TSPAN3: variants seen among roughly 807,000 people sequenced by gnomAD.
TSPAN3 encodes the protein tetraspanin-3.
TSPAN3 carries 9 observed loss-of-function variants against 31.1 expected under a neutral mutation model. That is an observed-to-expected ratio of 0.29 (90% CI 0.17 to 0.50). The LOEUF is 0.50. Ranked by LOEUF, TSPAN3 falls within the 20% of genes least tolerant of loss-of-function variation. The pLI, the probability that TSPAN3 is intolerant of heterozygous loss-of-function variation, is 0.98. For synonymous variants in TSPAN3, 129 were observed against 114.3 expected (o/e 1.13, Z -0.82); for missense variants, 252 against 313.5 (o/e 0.80, Z 1.48).
At chr15:77,055,726 A>G (rs1418250800) in intron 3 of TSPAN3, 63 bp downstream of exon 3, 10 of 1,280,520 alleles carry the variant, frequency 7.8e-6, no homozygotes, top group Admixed American at 2.3e-5. Flanking sequence ...AATGTGTTCT[A>G]TTTTACTTGA....
intron 1 of TSPAN3, among the ~76,000 whole-genome samples, chr15:77,061,598 C>G (rs2076801127): frequency 6.6e-6 from 1 of 151,930 alleles, no homozygotes; most frequent in South Asian, 2.1e-4. Flanking sequence ...CACGGTGTAA[C>G]CTGCCATTGG....
chr15:77,051,658 G>A (rs1358576973), intron 6 of TSPAN3, among the ~76,000 whole-genome samples: 1 of 151,666 alleles, frequency 6.6e-6, no homozygotes, highest in Non-Finnish European at 1.5e-5. Flanking sequence ...AGACCAGCCT[G>A]GGCAACATAA....
chr15:77,060,965 CACA>C (rs576112560), intron 1 of TSPAN3, among the ~76,000 whole-genome samples: 2 of 152,142 alleles, frequency 1.3e-5, no homozygotes, highest in South Asian at 2.1e-4. Flanking sequence ...TAAATTAAGT[CACA>C]ACATTTTAAA....
At chr15:77,069,012 T>C (rs1165932891) in intron 1 of TSPAN3, among the ~76,000 whole-genome samples, 3 of 152,212 alleles carry the variant, frequency 2.0e-5, no homozygotes, top group East Asian at 1.9e-4. Flanking sequence ...AGTAGTGGGA[T>C]TGCTGGGTCG....
chr15:77,054,039 T>G lies in TSPAN3; in HGVS notation c.432+139A>C, dbSNP rs1352950396. On this transcript the variant is annotated intron_variant, in intron 4 of 6. Transcript: ENST00000267970. ...GAAATAAACTTTTCAAGGGTGAAGG[T>G]TGGGGAAAAATATTGGTCACATCAG... The G allele has an allele frequency of 5.1e-6, 3 of 584,144 alleles. No homozygotes were observed. The African/African-American group carries it at 5.6e-5, about 11-fold the overall frequency. 36.2% of individuals were successfully genotyped at this position (584,144 alleles called of 1,614,324 possible). A position where few individuals can be genotyped will look rare whatever the true frequency, so the allele number is the denominator to read the frequency against.
At chr15:77,052,308 T>C (rs2076737027) in intron 6 of TSPAN3, 77 bp downstream of exon 6, 3 of 1,250,964 alleles carry the variant, frequency 2.4e-6, no homozygotes, top group Non-Finnish European at 3.5e-6. Context: ...TTCACTGTGA[T>C]GGGGATTAAA....
At chr15:77,069,698 C>G (rs972535744) in intron 1 of TSPAN3, among the ~76,000 whole-genome samples, 3 of 152,178 alleles carry the variant, frequency 2.0e-5, no homozygotes, top group East Asian at 1.9e-4. Flanking sequence ...AGTTTTATCC[C>G]TTGTTGGGGG....
Position 77,052,474 on chromosome 15 carries a change from A to G in TSPAN3, c.586-6T>C. ...ACTACTAGAGCCTCACACCCCTGTA[A>G]CAAACACAGTCATCCTCGTTAGAAG... On this transcript the variant is annotated splice_region_variant and splice_polypyrimidine_tract_variant and intron_variant, in intron 5 of 6. Transcript: ENST00000267970. 6.2e-7 allele frequency: 1 copy of G among 1,612,820 alleles called. No homozygotes were observed.
intron 3 of TSPAN3, 138 bp downstream of exon 3, chr15:77,055,651 C>A (rs2076764056): frequency 1.5e-6 from 1 of 659,520 alleles, no homozygotes; most frequent in Non-Finnish European, 2.6e-6. Context: ...TGCCAATTAA[C>A]TTTAGATATT....
intron 1 of TSPAN3, among the ~76,000 whole-genome samples, chr15:77,058,678 T>A (rs1307898762): frequency 6.6e-6 from 1 of 152,206 alleles, no homozygotes; most frequent in Non-Finnish European, 1.5e-5. Flanking sequence ...ACAGCAGGTA[T>A]CAGTTAAAGT....
At chr15:77,058,910 A>G (rs1325806448) in intron 1 of TSPAN3, among the ~76,000 whole-genome samples, 2 of 152,226 alleles carry the variant, frequency 1.3e-5, no homozygotes, top group African/African-American at 4.8e-5. Flanking sequence ...ATGTTAATAT[A>G]TCGTAAATAT....
At chr15:77,048,926 T>A (rs1224200564) in intron 6 of TSPAN3, among the ~76,000 whole-genome samples, 1 of 152,194 alleles carries the variant, frequency 6.6e-6, no homozygotes, top group Admixed American at 6.5e-5. Flanking sequence ...TTTTGCACAT[T>A]AGAAACACTC....
At position 77,055,874 on chromosome 15, in the gene TSPAN3, A is replaced by G; in HGVS notation, c.256-11T>C. 6.3e-7 allele frequency: 1 copy of G among 1,597,552 alleles called. No individual in the cohort carries two copies. Among genetic ancestry groups the G allele is most frequent in the South Asian group, 1.1e-5 (1 of 87,006 alleles). The stretch of plus-strand genomic sequence containing the variant: ...CAGGATGATGACAAACTGTAAGAAA[A>G]CATGGTTTAAAATTATATACAAATG... On this transcript the variant is annotated splice_polypyrimidine_tract_variant and intron_variant, in intron 2 of 6. Coordinates refer to ENST00000267970, the MANE Select transcript of TSPAN3 (RefSeq NM_005724.6).
intron 1 of TSPAN3, among the ~76,000 whole-genome samples, chr15:77,060,904 G>A (rs1052875866): frequency 1.3e-5 from 2 of 152,052 alleles, no homozygotes; most frequent in East Asian, 1.9e-4. Flanking sequence ...ATTACAGAAA[G>A]AATAATTTTT....
intron 4 of TSPAN3, 101 bp from the exon 5 acceptor site, chr15:77,053,030 T>G: frequency 8.7e-7 from 1 of 1,152,400 alleles, no homozygotes; most frequent in East Asian, 2.6e-5. Flanking sequence ...ACCAGTGATG[T>G]CCGATACAAC....
chr15:77,065,355 T>C (rs1423043387), intron 1 of TSPAN3, among the ~76,000 whole-genome samples: 1 of 152,226 alleles, frequency 6.6e-6, no homozygotes, highest in Non-Finnish European at 1.5e-5. Context: ...GGTGCTCAAA[T>C]AGTAGTGTTA....
chr15:77,050,281 C>G (rs549641349), intron 6 of TSPAN3, among the ~76,000 whole-genome samples: 10 of 152,176 alleles, frequency 6.6e-5, no homozygotes, highest in Admixed American at 6.5e-4. Context: ...CCTTAAAACC[C>G]AAGTTTTTAA....
Position 77,071,097 on chromosome 15 carries a change from G to A in TSPAN3, c.-143C>T, listed in dbSNP as rs1047055810. The A allele has an allele frequency of 1.9e-5, 9 of 465,344 alleles. No homozygotes were observed. Among genetic ancestry groups the A allele is most frequent in the Middle Eastern group, 1.4e-3 (2 of 1,460 alleles). The allele number at this position is 465,344 out of a possible 1,614,324, so 28.8% of individuals were successfully genotyped here. On this transcript the variant is annotated 5_prime_UTR_variant, in exon 1 of 7. Coordinates refer to ENST00000267970, the MANE Select transcript of TSPAN3 (RefSeq NM_005724.6). ...AGCCCCTGCGCCGTCGCGCAGCCCC[G>A]ACCCCAGCAAGTGCCTCGCTCCTCC...
intron 1 of TSPAN3, among the ~76,000 whole-genome samples, chr15:77,065,723 A>T (rs1428728738): frequency 6.6e-6 from 1 of 152,208 alleles, no homozygotes; most frequent in Non-Finnish European, 1.5e-5. Context: ...TTTTATTTTT[A>T]AAGGCAGGAT....
Sources: allele counts gnomAD v4.1 joint callset (sites outside exome capture counted in the v4.1 genomes callset), GRCh38; gene constraint gnomAD v4.1.1; transcripts MANE v1.5; gene names NCBI Gene and HGNC (gene_info 2026-07-23, HGNC 2026-07-21).